The following RBM27 variants were observed in gnomAD, a reference collection of about 807,000 sequenced individuals.
RBM27 encodes the protein RNA binding motif protein 27.
RBM27 carries 22 observed loss-of-function variants against 135.3 expected under a neutral mutation model. The ratio of observed to expected loss-of-function variants is 0.16; its 90% CI spans 0.12 to 0.23. The LOEUF is 0.23. RBM27 is among the 10% of genes least tolerant of loss of function. The pLI, the probability that RBM27 is intolerant of heterozygous loss-of-function variation, is 1.00. For missense variants in RBM27, 1,009 were observed against 1,281.0 expected (o/e 0.79, Z 3.24); for synonymous variants, 481 against 442.4 (o/e 1.09, Z -1.10).
Position 146,229,873 on chromosome 5 carries a change from G to T in RBM27, c.552G>T (p.Arg184Ser). Residue 184 changes from arginine to serine, a missense_variant, in exon 5 of 21, where the codon AGG (arginine) becomes AGT (serine). Arg to Ser is a moderately radical substitution (Grantham distance 110). Coordinates refer to ENST00000265271, the MANE Select transcript of RBM27 (RefSeq NM_018989.2). ...RGLSRSRSRSRGRSKDRDPNR... is the reference protein window; with the variant it reads ...RGLSRSRSRSSGRSKDRDPNR... ...TGAGTCGCAGTAGAAGCCGAAGTAG[G>T]GGGCGCAGCAAAGACCGGGATCCAA... The T allele has an allele frequency of 6.2e-7, 1 of 1,613,936 alleles. No individual in the cohort carries two copies. Among genetic ancestry groups the T allele is most frequent in the South Asian group, 1.1e-5 (1 of 91,072 alleles).
intron 8 of RBM27, among the ~76,000 whole-genome samples, chr5:146,241,780 C>T (rs1757417871): frequency 6.6e-6 from 1 of 152,024 alleles, no homozygotes; most frequent in Non-Finnish European, 1.5e-5. Context: ...TTTTTAAAGA[C>T]TGGTAACGTT....
Position 146,263,625 on chromosome 5 carries a change from T to C in RBM27, c.2325T>C (p.Asp775=). The part of the protein sequence containing the change: ...LLNQSGGAGE[D]CQIFSTPGHP... ...ATCAGTCTGGTGGTGCTGGAGAAGA[T>C]TGCCAGGTATGCATTTTTGGGAGCT... is the stretch of plus-strand genomic sequence containing the variant. Residue 775 remains aspartate (D), a synonymous_variant, in exon 14 of 21, where the codon GAT becomes GAC. Coordinates refer to ENST00000265271, the MANE Select transcript of RBM27 (RefSeq NM_018989.2). The C allele has an allele frequency of 6.2e-7, 1 of 1,613,498 alleles. No homozygotes were observed. The highest frequency in any genetic ancestry group is 8.5e-7 in the Non-Finnish European group (1 of 1,179,856).
chr5:146,256,689 A>G (rs1758119890), intron 10 of RBM27, among the ~76,000 whole-genome samples: 1 of 151,950 alleles, frequency 6.6e-6, no homozygotes, highest in African/African-American at 2.4e-5. Context: ...TTCTATTTTT[A>G]TTCTCCTTTT....
chr5:146,258,860 G>A (rs1758237761), intron 11 of RBM27, among the ~76,000 whole-genome samples: 1 of 151,734 alleles, frequency 6.6e-6, no homozygotes, highest in Non-Finnish European at 1.5e-5. Flanking sequence ...CTGGGTTGAA[G>A]TGATTCTCTT....
intron 1 of RBM27, among the ~76,000 whole-genome samples, chr5:146,212,795 C>T (rs1756023240): frequency 2.6e-5 from 4 of 151,820 alleles, no homozygotes; most frequent in Non-Finnish European, 2.9e-5. Context: ...CTGCAACCTC[C>T]GTCTCCTGGA....
chr5:146,263,999 C>T (rs143374564), intron 14 of RBM27, among the ~76,000 whole-genome samples: 4,257 of 151,126 alleles, frequency 0.028, 75 homozygotes, highest in Non-Finnish European at 0.039. Context: ...CCCAGCTACC[C>T]GGGAGGCTGA....
rs749571390 is a variant in RBM27 at position 146,271,487 on chromosome 5, C to T, written c.2801C>T (p.Ala934Val). ...CTACTTTTTGTTGTTATTCAGGCTGCACGGTTAGGTATTTTACCTGTGGGT... is the reference window on the plus strand; with the variant it reads ...CTACTTTTTGTTGTTATTCAGGCTGTACGGTTAGGTATTTTACCTGTGGGT... Reference protein sequence around the residue: ...KKLSQLQVEAARLGILPVGRG... With the variant: ...KKLSQLQVEAVRLGILPVGRG... The change falls in exon 19 of 21, where the codon GCA becomes GTA. Residue 934 changes from alanine (A) to valine (V), a missense_variant. By Grantham distance (64) the Ala-to-Val change is moderately conservative. This residue lies in a region of RBM27 where 355 missense variants were observed against 427.3 expected (regional missense o/e 0.83). Coordinates refer to ENST00000265271, the MANE Select transcript of RBM27 (RefSeq NM_018989.2). 6.2e-7 allele frequency: 1 copy of T among 1,609,066 alleles called. No individual in the cohort carries two copies. The highest frequency in any genetic ancestry group is 1.1e-5 in the South Asian group (1 of 90,858).
intron 8 of RBM27, among the ~76,000 whole-genome samples, chr5:146,243,745 C>A (rs1031701131): frequency 6.6e-6 from 1 of 152,038 alleles, no homozygotes; most frequent in Non-Finnish European, 1.5e-5. Flanking sequence ...ATTTTATTGT[C>A]ATTAAAATTA....
intron 14 of RBM27, among the ~76,000 whole-genome samples, chr5:146,267,078 A>G (rs1758647025): frequency 6.6e-6 from 1 of 152,250 alleles, no homozygotes; most frequent in Non-Finnish European, 1.5e-5. Flanking sequence ...TACCACCTGT[A>G]GCCAAACAAA....
chr5:146,280,144 C>T (rs890306702), intron 19 of RBM27, among the ~76,000 whole-genome samples: 1 of 151,902 alleles, frequency 6.6e-6, no homozygotes, highest in Non-Finnish European at 1.5e-5. Context: ...CTGCAACCTC[C>T]ACCTCCCAGG....
At chr5:146,254,117 A>G (rs368685861) in intron 9 of RBM27, among the ~76,000 whole-genome samples, 10 of 152,246 alleles carry the variant, frequency 6.6e-5, no homozygotes, top group African/African-American at 2.2e-4. Flanking sequence ...AGGAAACTCA[A>G]TTCTTCACAT....
intron 1 of RBM27, among the ~76,000 whole-genome samples, chr5:146,205,586 G>GT (rs1184351310): frequency 2.7e-5 from 4 of 146,422 alleles, no homozygotes; most frequent in East Asian, 2.1e-4. Context: ...CTTGAATAGG[G>GT]GTTTTTTTAA....
At chr5:146,234,575 G>A (rs1286657129) in intron 7 of RBM27, among the ~76,000 whole-genome samples, 3 of 151,682 alleles carry the variant, frequency 2.0e-5, no homozygotes, top group Non-Finnish European at 4.4e-5. Flanking sequence ...AGTAAGAAAT[G>A]TTTTAAAATG....
chr5:146,231,512 T>TG (rs1231659205), intron 6 of RBM27, among the ~76,000 whole-genome samples: 1 of 152,124 alleles, frequency 6.6e-6, no homozygotes, highest in African/African-American at 2.4e-5. Context: ...TTTTTTAGAT[T>TG]TTTTTTGTTT....
chr5:146,224,878 C>G (rs1265502808), intron 3 of RBM27, among the ~76,000 whole-genome samples: 2 of 152,086 alleles, frequency 1.3e-5, no homozygotes, highest in African/African-American at 4.8e-5. Context: ...CCCATCTGCT[C>G]TCTTTAAATA....
intron 19 of RBM27, among the ~76,000 whole-genome samples, chr5:146,280,655 A>G (rs1759302783): frequency 2.0e-5 from 3 of 152,006 alleles, no homozygotes; most frequent in Admixed American, 6.6e-5. Flanking sequence ...ACATTTGCCA[A>G]TTCATCTACT....
chr5:146,268,329 G>A (rs558291551), intron 15 of RBM27, among the ~76,000 whole-genome samples: 4 of 150,428 alleles, frequency 2.7e-5, no homozygotes, highest in East Asian at 2.0e-4. Flanking sequence ...TGCAACCTCC[G>A]CCTCCTGGGT....
At position 146,251,725 on chromosome 5, in the gene RBM27, T is replaced by G; in HGVS notation, c.1294T>G (p.Ser432Ala). The G allele has an allele frequency of 6.2e-7, 1 of 1,610,654 alleles. No homozygotes were observed. The highest frequency in any genetic ancestry group is 8.5e-7 in the Non-Finnish European group (1 of 1,176,820). ...YTVSERQPMY[S>A]REHGAAASER... ...TTCCTCTATAGGACAGCCCATGTAC[T>G]CTCGTGAACATGGTGCTGCTGCATC... The change falls in exon 9 of 21, where the codon TCT becomes GCT. Residue 432 changes from serine to alanine, a missense_variant. Ser to Ala is a moderately conservative substitution (Grantham distance 99). This residue lies in a region of RBM27 where 329 missense variants were observed against 368.1 expected (regional missense o/e 0.89). Transcript: ENST00000265271.
chr5:146,209,694 G>A (rs920483389), intron 1 of RBM27, among the ~76,000 whole-genome samples: 8 of 152,264 alleles, frequency 5.3e-5, no homozygotes, highest in South Asian at 2.1e-4. Flanking sequence ...AACTACCAGC[G>A]TTAAATAAGT....
Sources: allele counts gnomAD v4.1 joint callset (sites outside exome capture counted in the v4.1 genomes callset), GRCh38; gene constraint gnomAD v4.1.1; regional missense constraint gnomAD v4.1.1; transcripts MANE v1.5; gene names NCBI Gene and HGNC (gene_info 2026-07-23, HGNC 2026-07-21).